CD4: variants seen among roughly 807,000 people sequenced by gnomAD.
The protein encoded by CD4 is T-cell surface glycoprotein CD4.
In CD4, 25 loss-of-function variants were observed where a neutral mutation model predicts 50.5. That is an observed-to-expected ratio of 0.49 (90% CI 0.36 to 0.69). The LOEUF is 0.69. Among genes scored for constraint, CD4 ranks in the 30% least tolerant of loss-of-function variants. The pLI is 0.00. For missense variants in CD4, 456 were observed against 548.5 expected (o/e 0.83, Z 1.68); for synonymous variants, 207 against 221.9 (o/e 0.93, Z 0.60).
intron 3 of CD4, among the ~76,000 whole-genome samples, chr12:6,804,075 C>T (rs886867676): frequency 1.3e-5 from 2 of 151,384 alleles, no homozygotes; most frequent in Non-Finnish European, 2.9e-5. Context: ...CGCGCCACTA[C>T]ACTCCAGCCT....
chr12:6,808,441 A>C (rs1382756989), intron 3 of CD4, among the ~76,000 whole-genome samples: 1 of 102,242 alleles, frequency 9.8e-6, no homozygotes, highest in African/African-American at 3.4e-5. Context: ...ACAAAGTGAG[A>C]TTCTGTCTCA....
rs1565502486 is a variant in CD4 at position 6,818,068 on chromosome 12, A to ATTCACACATGCACGCACACG, written c.1157-353_1157-352insTTCACACATGCACGCACACG. 1.1e-4 allele frequency among the ~76,000 whole-genome samples: 16 copies of ATTCACACATGCACGCACACG among 145,760 alleles called. No homozygotes were observed. The highest frequency in any genetic ancestry group is 3.7e-4 in the African/African-American group (15 of 40,114). On this transcript the variant is annotated intron_variant, in intron 7 of 9. Coordinates refer to ENST00000011653, the MANE Select transcript of CD4 (RefSeq NM_000616.5). This position sits in a 1 kb window ranked among gnomAD's most constrained non-coding sequence, Gnocchi z 5.0. Reference sequence around the variant, plus strand: ...TTCACACACATGCACACACGCACACACATTCACACATGGACTCACACGCGC... The same window carrying ATTCACACATGCACGCACACG: ...TTCACACACATGCACACACGCACACATTCACACATGCACGCACACGCATTCACACATGGACTCACACGCGC...
intron 3 of CD4, among the ~76,000 whole-genome samples, chr12:6,810,447 T>C (rs991197225): frequency 1.3e-5 from 2 of 152,180 alleles, no homozygotes; most frequent in Non-Finnish European, 2.9e-5. Flanking sequence ...AACTTATTTC[T>C]TGGACCATTG....
chr12:6,805,653 T>C (rs953913983), intron 3 of CD4, among the ~76,000 whole-genome samples: 1 of 152,066 alleles, frequency 6.6e-6, no homozygotes, highest in Non-Finnish European at 1.5e-5. Context: ...TCTAAATATA[T>C]GGAGAGACAT....
chr12:6,813,823 C>A (rs782782838), intron 3 of CD4, among the ~76,000 whole-genome samples: 2 of 152,116 alleles, frequency 1.3e-5, no homozygotes, highest in African/African-American at 2.4e-5. Flanking sequence ...GCAAAATAAA[C>A]AAAACAGTGT....
At chr12:6,794,840 G>A (rs1422672404) in intron 1 of CD4, among the ~76,000 whole-genome samples, 2 of 142,810 alleles carry the variant, frequency 1.4e-5, no homozygotes, top group Non-Finnish European at 3.0e-5. Flanking sequence ...GCTGGAGTGC[G>A]GTGGCGCGAT....
In CD4 at chr12:6,789,670, G is replaced by A. The variant is rs1942090302; in HGVS notation, c.-68+8G>A. 1 of 152,274 alleles carries A rather than the reference G, an allele frequency of 6.6e-6. No individual in the cohort carries two copies. The highest frequency in any genetic ancestry group is 2.4e-5 in the African/African-American group (1 of 41,476). 9.4% of individuals were successfully genotyped at this position (152,274 alleles called of 1,614,324 possible). A position where few individuals can be genotyped will look rare whatever the true frequency, so the allele number is the denominator to read the frequency against. On this transcript the variant is annotated splice_region_variant and intron_variant, in intron 1 of 9. Coordinates refer to ENST00000011653, the MANE Select transcript of CD4 (RefSeq NM_000616.5). Reference sequence around the variant, plus strand: ...AAAGACGCAAGCCCAGAGGTAAGGTGGTCAGACTCGGCTTCCTTCCCCGGA... The same window carrying A: ...AAAGACGCAAGCCCAGAGGTAAGGTAGTCAGACTCGGCTTCCTTCCCCGGA...
chr12:6,799,086 A>G (rs906458327), intron 1 of CD4: 4 of 152,234 alleles, frequency 2.6e-5, no homozygotes, highest in Admixed American at 2.6e-4. Flanking sequence ...TGTGTATCTC[A>G]GAGCATCCAG....
intron 1 of CD4, among the ~76,000 whole-genome samples, chr12:6,794,801 T>TTTTTTTTTTTTTTTTTTTA (rs1942320912): frequency 7.0e-6 from 1 of 142,846 alleles, no homozygotes; most frequent in Non-Finnish European, 1.5e-5. Context: ...TTTTTTTTTT[T>TTTTTTTTTTTTTTTTTTTA]TGAGATAGAG....
chr12:6,794,521 G>A (rs527860482), intron 1 of CD4, among the ~76,000 whole-genome samples: 41 of 150,388 alleles, frequency 2.7e-4, no homozygotes, highest in East Asian at 1.4e-3. Context: ...ACAGACGTGC[G>A]TCACCATGCC....
intron 3 of CD4, among the ~76,000 whole-genome samples, chr12:6,801,154 C>T (rs1163584266): frequency 6.6e-6 from 1 of 151,148 alleles, no homozygotes; most frequent in Non-Finnish European, 1.5e-5. Context: ...GATCCACTCA[C>T]CTTGGCCTCT....
At chr12:6,815,016 A>T in intron 5 of CD4, 24 bp downstream of exon 5, 1 of 1,516,210 alleles carries the variant, frequency 6.6e-7, no homozygotes, top group Non-Finnish European at 9.1e-7. Context: ...CTCTTCGCGC[A>T]GTCTCCTCCC....
chr12:6,809,444 C>A (rs140883352), intron 3 of CD4, among the ~76,000 whole-genome samples: 279 of 151,900 alleles, frequency 1.8e-3, no homozygotes, highest in Middle Eastern at 6.8e-3. Flanking sequence ...TGCAGTGAGC[C>A]GTGATTGCGC....
At chr12:6,810,762 T>C (rs1555116875) in intron 3 of CD4, among the ~76,000 whole-genome samples, 2 of 152,134 alleles carry the variant, frequency 1.3e-5, no homozygotes. Flanking sequence ...GGAATGTAGT[T>C]GAATTTCAGG....
chr12:6,800,494 C>A, intron 3 of CD4, 23 bp downstream of exon 3: 1 of 1,600,346 alleles, frequency 6.2e-7, no homozygotes, highest in Non-Finnish European at 8.5e-7. Context: ...GGCTCCCCAT[C>A]CAGGGAGGAA....
In CD4 at chr12:6,816,128, T is replaced by C. The variant is rs11064419; in HGVS notation, c.680T>C (p.Phe227Ser). 4.0e-3 allele frequency: 6,493 copies of C among 1,614,104 alleles called. 185 individuals carry two copies. The African/African-American group carries it at 0.071, about 18-fold the overall frequency. Residue 227 changes from phenylalanine (F) to serine (S), a missense_variant, in exon 6 of 10, where the codon TTT (phenylalanine) becomes TCT (serine). By Grantham distance (155) the Phe-to-Ser change is radical (BLOSUM62 -2). Coordinates refer to ENST00000011653, the MANE Select transcript of CD4 (RefSeq NM_000616.5). This position sits in a 1 kb window ranked among gnomAD's most constrained non-coding sequence, Gnocchi z 4.9. The part of the protein sequence containing the change: ...EQVEFSFPLA[F>S]TVEKLTGSGE... The stretch of plus-strand genomic sequence containing the variant: ...GTGGAGTTCTCCTTCCCACTCGCCT[T>C]TACAGTTGAAAAGCTGACGGGCAGT...
Position 6,817,235 on chromosome 12 carries a change from G to A in CD4, c.1061G>A (p.Arg354Gln), listed in dbSNP as rs34435605. 486 of 1,611,810 alleles carry A rather than the reference G, an allele frequency of 3.0e-4. 1 individual carries two copies. In the African/African-American group the frequency reaches 5.2e-3, roughly 17 times the overall value. Reference sequence around the variant, plus strand: ...AACAAGGAGGCAAAGGTCTCGAAGCGGGAGAAGGCGGTGTGGGTGCTGAAC... The same window carrying A: ...AACAAGGAGGCAAAGGTCTCGAAGCAGGAGAAGGCGGTGTGGGTGCTGAAC... The part of the protein sequence containing the change: ...LENKEAKVSK[R>Q]EKAVWVLNPE... Residue 354 changes from arginine (R) to glutamine (Q), a missense_variant, in exon 7 of 10, where the codon CGG becomes CAG. Physicochemically the swap from Arg to Gln is conservative, Grantham distance 43. Transcript: ENST00000011653.
rs1942197149 is a variant in CD4 at position 6,792,702 on chromosome 12, A to G, written c.-68+3040A>G. Among the ~76,000 whole-genome samples the G allele has an allele frequency of 6.6e-6, 1 of 152,208 alleles. No individual in the cohort carries two copies. The highest frequency in any genetic ancestry group is 2.4e-5 in the African/African-American group (1 of 41,454). On this transcript the variant is annotated intron_variant, in intron 1 of 9. Coordinates refer to ENST00000011653, the MANE Select transcript of CD4 (RefSeq NM_000616.5). The surrounding 1 kb of genome is among the most constrained non-coding windows in gnomAD (Gnocchi z 4.1). Reference sequence around the variant, plus strand: ...AGATCAAAGCTTGTCCAGGGTCTGCATTGCTGCCAAAGGCCAGGAGGACTG... The same window carrying G: ...AGATCAAAGCTTGTCCAGGGTCTGCGTTGCTGCCAAAGGCCAGGAGGACTG...
chr12:6,810,258 A>G (rs1286915986), intron 3 of CD4, among the ~76,000 whole-genome samples: 1 of 152,184 alleles, frequency 6.6e-6, no homozygotes, highest in Non-Finnish European at 1.5e-5. Context: ...AGACTCACTC[A>G]TATGCTTAGA....
Sources: allele counts gnomAD v4.1 joint callset (sites outside exome capture counted in the v4.1 genomes callset), GRCh38; gene constraint gnomAD v4.1.1; non-coding constraint Gnocchi (gnomAD v3.1); transcripts MANE v1.5; gene names NCBI Gene and HGNC (gene_info 2026-07-23, HGNC 2026-07-21).